The following RFT1 variants were observed in gnomAD, a reference collection of about 807,000 sequenced individuals.
RFT1 encodes RFT1 glycolipid translocator homolog.
A neutral mutation model predicts 62.2 loss-of-function variants in RFT1; 43 were observed. The observed-to-expected ratio is 0.69, with a 90% CI of 0.54 to 0.89. The LOEUF (loss-of-function observed/expected upper bound fraction) is 0.89, where lower values mean the gene tolerates loss of function less well. Among genes scored for constraint, RFT1 ranks in the 40% least tolerant of loss-of-function variants. RFT1 has a pLI of 0.00. For missense variants in RFT1, 605 were observed against 649.9 expected (o/e 0.93, Z 0.75); for synonymous variants, 262 against 264.6 (o/e 0.99, Z 0.10).
At chr3:53,114,353 A>T (rs1701735326) in intron 6 of RFT1, among the ~76,000 whole-genome samples, 1 of 152,176 alleles carries the variant, frequency 6.6e-6, no homozygotes, top group Non-Finnish European at 1.5e-5. Flanking sequence ...CTCTTTAAAG[A>T]CAAAGTTCTT....
intron 5 of RFT1, among the ~76,000 whole-genome samples, chr3:53,120,369 GCA>G (rs1189245617): frequency 3.3e-5 from 5 of 152,306 alleles, no homozygotes; most frequent in African/African-American, 9.6e-5. Context: ...CACCTAGTCA[GCA>G]CCCTGCAAAG....
intron 6 of RFT1, among the ~76,000 whole-genome samples, chr3:53,116,456 G>A (rs894090251): frequency 9.9e-5 from 15 of 152,018 alleles, no homozygotes; most frequent in African/African-American, 3.4e-4. Context: ...ACCATGCCCA[G>A]CTAAATTTTA....
rs938354163 is a variant in RFT1 at position 53,090,740 on chromosome 3, G to T, written c.*1163C>A. ...GTTTGTGCATATAGTTCTGAGGGGG[G>T]TTAATATCTAAAAGGAATTAATACA... On this transcript the variant is annotated 3_prime_UTR_variant, in exon 13 of 13. Coordinates refer to ENST00000296292, the MANE Select transcript of RFT1 (RefSeq NM_052859.4). 6.6e-6 allele frequency: 1 copy of T among 152,192 alleles called. No individual in the cohort carries two copies. The highest frequency in any genetic ancestry group is 1.5e-5 in the Non-Finnish European group (1 of 68,048). The allele number at this position is 152,192 out of a possible 1,614,324, so 9.4% of individuals were successfully genotyped here. A position where few individuals can be genotyped will look rare whatever the true frequency, so the allele number is the denominator to read the frequency against.
rs1700929658 is a variant in RFT1 at position 53,089,340 on chromosome 3, G to GA, written c.*2562dup. 1 of 152,270 alleles carries GA rather than the reference G, an allele frequency of 6.6e-6. No individual in the cohort carries two copies. Among genetic ancestry groups the GA allele is most frequent in the Non-Finnish European group, 1.5e-5 (1 of 68,086 alleles). The allele number at this position is 152,270 out of a possible 1,614,324, so 9.4% of individuals were successfully genotyped here. A position where few individuals can be genotyped will look rare whatever the true frequency, so the allele number is the denominator to read the frequency against. On this transcript the variant is annotated 3_prime_UTR_variant, in exon 13 of 13. Coordinates refer to ENST00000296292, the MANE Select transcript of RFT1 (RefSeq NM_052859.4). Reference sequence around the variant, plus strand: ...GTTACCTGTGGCCAGAGGAGCACAGGAAGTCAGCGATACTGTTCTTCTCAC... The same window carrying GA: ...GTTACCTGTGGCCAGAGGAGCACAGGAAAGTCAGCGATACTGTTCTTCTCAC...
Position 53,092,026 on chromosome 3 carries a change from G to A in RFT1, c.1503C>T (p.His501=). 2 of 1,614,260 alleles carry A rather than the reference G, an allele frequency of 1.2e-6. No individual in the cohort carries two copies. Among genetic ancestry groups the A allele is most frequent in the South Asian group, 2.2e-5 (2 of 91,088 alleles). ...CCAGACAGAAGGCCCCCACAGCAATGTGTGCCAGTCTGGCTGGCCAGCCCT... is the reference window on the plus strand; with the variant it reads ...CCAGACAGAAGGCCCCCACAGCAATATGTGCCAGTCTGGCTGGCCAGCCCT... ...CEQGWPARLA[H]IAVGAFCLGA... Residue 501 remains histidine (H), a synonymous_variant, in exon 13 of 13, where the codon CAC becomes CAT. Transcript: ENST00000296292.
chr3:53,095,534 C>A (rs989056460), intron 11 of RFT1, among the ~76,000 whole-genome samples: 28 of 151,910 alleles, frequency 1.8e-4, no homozygotes, highest in African/African-American at 5.6e-4. Context: ...AAACATGGTG[C>A]CCAGAGACTC....
At chr3:53,098,177 C>T (rs1414387856) in intron 11 of RFT1, among the ~76,000 whole-genome samples, 3 of 152,178 alleles carry the variant, frequency 2.0e-5, no homozygotes, top group African/African-American at 7.2e-5. Flanking sequence ...CAGCAGTTTC[C>T]AAAGCCCTAG....
downstream of RFT1, among the ~76,000 whole-genome samples, chr3:53,086,212 A>G (rs1424845894): frequency 6.6e-6 from 1 of 152,224 alleles, no homozygotes; most frequent in African/African-American, 2.4e-5. Flanking sequence ...CAGAAGTCTC[A>G]TTTCCAAATT....
chr3:53,124,407 T>A (rs1362156629), intron 2 of RFT1, among the ~76,000 whole-genome samples: 2 of 152,036 alleles, frequency 1.3e-5, no homozygotes, highest in Non-Finnish European at 2.9e-5. Context: ...TCTCCCCTCC[T>A]CAATAGACAG....
At position 53,110,557 on chromosome 3, in the gene RFT1, C is replaced by A. The variant is rs576959405; in HGVS notation, c.775+1273G>T. On this transcript the variant is annotated intron_variant, in intron 7 of 12. Transcript: ENST00000296292. ...GTACTCTCAAAGATCAGAGAGCCCTCAGACACTGCCTGGTCCTATCCCTTA... is the reference window on the plus strand; with the variant it reads ...GTACTCTCAAAGATCAGAGAGCCCTAAGACACTGCCTGGTCCTATCCCTTA... 6.6e-5 allele frequency among the ~76,000 whole-genome samples: 10 copies of A among 152,266 alleles called. No homozygotes were observed. In the South Asian group the frequency reaches 1.2e-3, roughly 19 times the overall value.
intron 7 of RFT1, among the ~76,000 whole-genome samples, chr3:53,111,092 A>AAAT (rs1208357211): frequency 6.6e-6 from 1 of 152,184 alleles, no homozygotes; most frequent in Non-Finnish European, 1.5e-5. Context: ...AAGAAGAAGA[A>AAAT]AATAAAATGA....
At chr3:53,069,284 TG>T in the RFT1 span, among the ~76,000 whole-genome samples, 1 of 152,214 alleles carries the variant, frequency 6.6e-6, no homozygotes, top group Admixed American at 6.5e-5. Flanking sequence ...GTCAGTGTTG[TG>T]GGCATGTTTA....
At chr3:53,098,862 G>T (rs186892251) in intron 11 of RFT1, among the ~76,000 whole-genome samples, 1 of 145,944 alleles carries the variant, frequency 6.9e-6, no homozygotes, top group East Asian at 2.1e-4. Context: ...CAGGAATCCT[G>T]ATCTGGAGTC....
chr3:53,093,481 C>T (rs1268722836), intron 11 of RFT1, among the ~76,000 whole-genome samples: 1 of 152,194 alleles, frequency 6.6e-6, no homozygotes, highest in Non-Finnish European at 1.5e-5. Context: ...CTCTGGTTTC[C>T]GCCTAGCACC....
At chr3:53,126,506 T>G (rs1427086965) in intron 1 of RFT1, among the ~76,000 whole-genome samples, 1 of 152,258 alleles carries the variant, frequency 6.6e-6, no homozygotes, top group Non-Finnish European at 1.5e-5. Context: ...GACATTTATA[T>G]CGTTCTGAAC....
chr3:53,092,150 T>C (rs531983716), intron 12 of RFT1, 80 bp from the exon 13 acceptor site: 3 of 1,556,226 alleles, frequency 1.9e-6, no homozygotes, highest in South Asian at 2.3e-5. Context: ...AAGACAGCTG[T>C]GGTTCCAGCT....
the RFT1 span, among the ~76,000 whole-genome samples, chr3:53,067,974 A>C: frequency 6.6e-6 from 1 of 152,240 alleles, no homozygotes; most frequent in Non-Finnish European, 1.5e-5. Flanking sequence ...AGCAGATTAC[A>C]GCCAAGGCCA....
downstream of RFT1, among the ~76,000 whole-genome samples, chr3:53,087,422 C>T (rs550936219): frequency 3.3e-5 from 5 of 152,300 alleles, no homozygotes; most frequent in Middle Eastern, 6.8e-3. Context: ...CTCCCACCGT[C>T]CGGGCCTGCC....
At chr3:53,112,284 C>T (rs564771311) in intron 6 of RFT1, among the ~76,000 whole-genome samples, 58 of 152,348 alleles carry the variant, frequency 3.8e-4, no homozygotes, top group African/African-American at 1.2e-3. Flanking sequence ...GCTCCATATA[C>T]TGCACATTGT....
Sources: allele counts gnomAD v4.1 joint callset (sites outside exome capture counted in the v4.1 genomes callset), GRCh38; gene constraint gnomAD v4.1.1; transcripts MANE v1.5; gene names NCBI Gene and HGNC (gene_info 2026-07-23, HGNC 2026-07-21).